TEKTIP1: variants seen among roughly 807,000 people sequenced by gnomAD.
TEKTIP1 encodes tektin bundle-interacting protein 1.
chr19:3,539,456 T>C, the TEKTIP1 span: 1 of 570,208 alleles, frequency 1.8e-6, no homozygotes, highest in Admixed American at 3.0e-5. Context: ...GCTACAGACC[T>C]GGAGACAGGC....
chr19:3,542,655 G>A, the TEKTIP1 span: 40 of 1,121,354 alleles, frequency 3.6e-5, no homozygotes, highest in East Asian at 2.5e-4. Flanking sequence ...CTTAATTTTC[G>A]TATTTTTAGT....
chr19:3,540,492 A>G, the TEKTIP1 span, among the ~76,000 whole-genome samples: 8 of 151,158 alleles, frequency 5.3e-5, no homozygotes, highest in South Asian at 6.3e-4. Flanking sequence ...TCCTGACCTC[A>G]TGATCTGCCC....
chr19:3,543,225 C>T, the TEKTIP1 span: 1 of 1,541,030 alleles, frequency 6.5e-7, no homozygotes, highest in South Asian at 1.2e-5. Context: ...TGCCCCCTGC[C>T]CACCCTCAGC....
At chr19:3,542,927 A>AGT in the TEKTIP1 span, 3 of 1,458,202 alleles carry the variant, frequency 2.1e-6, no homozygotes, top group Non-Finnish European at 2.8e-6. Context: ...GGAATCCAGG[A>AGT]GTAGCCAGGG....
the TEKTIP1 span, chr19:3,544,020 A>C: frequency 6.6e-7 from 1 of 1,525,798 alleles, no homozygotes; most frequent in Non-Finnish European, 8.8e-7. Flanking sequence ...AAGGCATGCT[A>C]CCAGGATGCA....
chr19:3,541,811 C>CTGTTTT, the TEKTIP1 span: 1 of 984,154 alleles, frequency 1.0e-6, no homozygotes, highest in Non-Finnish European at 1.2e-6. Flanking sequence ...TTATTCTGTG[C>CTGTTTT]TGTTTTGTTT....
the TEKTIP1 span, chr19:3,541,800 ATTATTC>A: frequency 1.0e-6 from 1 of 984,648 alleles, no homozygotes; most frequent in Non-Finnish European, 1.2e-6. Context: ...CTCATTGAAT[ATTATTC>A]TGTGCTGTTT....
At chr19:3,541,284 C>T in the TEKTIP1 span, among the ~76,000 whole-genome samples, 2,863 of 151,618 alleles carry the variant, frequency 0.019, 97 homozygotes, top group African/African-American at 0.066. Flanking sequence ...TGCAGTGAGC[C>T]GAAATCGTGC....
chr19:3,543,485 C>CCT, the TEKTIP1 span: 2 of 1,516,578 alleles, frequency 1.3e-6, no homozygotes, highest in Non-Finnish European at 1.8e-6. Flanking sequence ...TGAGTGCCCC[C>CCT]CCCCCCGCCC....
the TEKTIP1 span, chr19:3,543,820 C>G: frequency 2.0e-6 from 3 of 1,519,986 alleles, no homozygotes; most frequent in Admixed American, 6.2e-5. Context: ...ACCCGAGTCC[C>G]ACCTACAGTG....
At chr19:3,543,782 A>AC in the TEKTIP1 span, 1 of 1,492,032 alleles carries the variant, frequency 6.7e-7, no homozygotes, top group South Asian at 1.3e-5. Context: ...CTTGCTGGCC[A>AC]ACGGCGAGGA....
the TEKTIP1 span, chr19:3,543,484 C>A: frequency 1.3e-6 from 2 of 1,513,476 alleles, no homozygotes; most frequent in Non-Finnish European, 1.8e-6. Flanking sequence ...GTGAGTGCCC[C>A]CCCCCCCGCC....
the TEKTIP1 span, chr19:3,543,876 G>A: frequency 2.2e-5 from 34 of 1,550,304 alleles, 1 homozygote; most frequent in African/African-American, 3.3e-4. Context: ...GAGGGCATCA[G>A]ACTACGTGCC....
At chr19:3,542,965 C>T in the TEKTIP1 span, 7 of 1,537,406 alleles carry the variant, frequency 4.6e-6, no homozygotes, top group Admixed American at 1.7e-5. Context: ...CCCTCTTCTC[C>T]AGGCAAGAAA....
At chr19:3,543,885 C>A in the TEKTIP1 span, 2 of 1,550,674 alleles carry the variant, frequency 1.3e-6, no homozygotes, top group Non-Finnish European at 1.7e-6. Context: ...AGACTACGTG[C>A]CCTCCCTGTC....
At chr19:3,542,112 T>C in the TEKTIP1 span, 13 of 985,164 alleles carry the variant, frequency 1.3e-5, no homozygotes, top group Admixed American at 4.3e-4. Context: ...GCCCAGACAA[T>C]TTTGTGCTGT....
the TEKTIP1 span, chr19:3,542,743 A>G: frequency 1.5e-6 from 2 of 1,336,920 alleles, no homozygotes; most frequent in Non-Finnish European, 9.9e-7. Flanking sequence ...TCAGCCTCCC[A>G]AAGTGCTGGG....
the TEKTIP1 span, chr19:3,539,503 G>A: frequency 1.9e-6 from 1 of 517,700 alleles, no homozygotes; most frequent in Non-Finnish European, 3.5e-6. Flanking sequence ...TCCAAGGACT[G>A]CAAACGCACT....
the TEKTIP1 span, chr19:3,543,732 C>A: frequency 6.7e-7 from 1 of 1,496,228 alleles, no homozygotes; most frequent in Non-Finnish European, 9.0e-7. Context: ...ACAAGGCCAC[C>A]TAGGCCAGGG....
Sources: gnomAD v4.1 joint callset for allele counts (sites outside exome capture counted in the v4.1 genomes callset) on GRCh38, gnomAD v4.1.1 for gene constraint, MANE v1.5 for transcripts, NCBI Gene and HGNC (gene_info 2026-07-23, HGNC 2026-07-21) for gene names.